The following TLK2 variants were observed in gnomAD, a reference collection of about 807,000 sequenced individuals.
TLK2 encodes the protein serine/threonine-protein kinase tousled-like 2.
A neutral mutation model predicts 117.3 loss-of-function variants in TLK2; 6 were observed. That is an observed-to-expected ratio of 0.05 (90% CI 0.03 to 0.10). The LOEUF is 0.10. Ranked by LOEUF, TLK2 falls within the 10% of genes least tolerant of loss-of-function variation. TLK2 has a pLI of 1.00. For missense variants in TLK2, 299 were observed against 901.2 expected, an observed-to-expected ratio of 0.33 and a Z score of 8.56; for synonymous variants, 257 against 316.7, an observed-to-expected ratio of 0.81 and a Z score of 2.00.
intron 9 of TLK2, among the ~76,000 whole-genome samples, chr17:62,554,908 C>CA (rs1171730753): frequency 2.0e-5 from 3 of 150,526 alleles, no homozygotes; most frequent in Non-Finnish European, 4.4e-5. Flanking sequence ...ATGCTCTTTA[C>CA]AAAATACAGA....
At chr17:62,492,695 G>C (rs893834644) in intron 2 of TLK2, among the ~76,000 whole-genome samples, 5 of 151,944 alleles carry the variant, frequency 3.3e-5, no homozygotes, top group Non-Finnish European at 4.4e-5. Context: ...GACCTCTCAG[G>C]TGATCCACCC....
chr17:62,548,289 A>AT (rs897530767), intron 7 of TLK2, among the ~76,000 whole-genome samples: 2,378 of 77,434 alleles, frequency 0.031, 35 homozygotes, highest in Middle Eastern at 0.047. Context: ...TTTTATTTTT[A>AT]TTTTTTTTTT....
chr17:62,480,433 G>A (rs562729899), intron 1 of TLK2, among the ~76,000 whole-genome samples: 2 of 152,218 alleles, frequency 1.3e-5, no homozygotes, highest in African/African-American at 4.8e-5. Flanking sequence ...AAAAGCAGAT[G>A]TCCAGAATCA....
chr17:62,609,908 C>T (rs1386908630), intron 21 of TLK2, among the ~76,000 whole-genome samples: 2 of 152,158 alleles, frequency 1.3e-5, no homozygotes, highest in Non-Finnish European at 2.9e-5. Context: ...GCCTCAGCAA[C>T]ACAGTGAGAC....
chr17:62,558,705 ACT>A (rs899157084), intron 9 of TLK2, among the ~76,000 whole-genome samples: 1 of 152,134 alleles, frequency 6.6e-6, no homozygotes, highest in African/African-American at 2.4e-5. Context: ...ATGTAGTTAC[ACT>A]CTGTCTTTGA....
At chr17:62,564,944 G>A in intron 10 of TLK2, 57 bp from the exon 11 acceptor site, 6 of 1,547,986 alleles carry the variant, frequency 3.9e-6, no homozygotes, top group East Asian at 2.3e-5. Flanking sequence ...TTTCTAAGAA[G>A]TGTCTTTATC....
intron 2 of TLK2, among the ~76,000 whole-genome samples, chr17:62,519,302 G>C (rs964658864): frequency 3.3e-5 from 5 of 152,294 alleles, no homozygotes; most frequent in African/African-American, 1.2e-4. Context: ...TCGTTGAATT[G>C]TGTTGGCACC....
intron 6 of TLK2, among the ~76,000 whole-genome samples, chr17:62,535,767 T>G (rs1316170325): frequency 6.9e-6 from 1 of 145,522 alleles, no homozygotes; most frequent in Non-Finnish European, 1.5e-5. Context: ...AGAATGAAAC[T>G]CCATCTCAAA....
chr17:62,503,728 C>CT (rs34498481), intron 2 of TLK2, among the ~76,000 whole-genome samples: 65 of 126,728 alleles, frequency 5.1e-4, no homozygotes, highest in African/African-American at 1.8e-3. Context: ...CTAGTTATAT[C>CT]TTTTTTTTTT....
intron 6 of TLK2, among the ~76,000 whole-genome samples, chr17:62,535,965 A>G (rs2077086532): frequency 6.6e-6 from 1 of 152,192 alleles, no homozygotes; most frequent in Non-Finnish European, 1.5e-5. Flanking sequence ...TATAATGTCA[A>G]AGAATTTGAG....
intron 17 of TLK2, 101 bp from the exon 18 acceptor site, chr17:62,600,550 T>C: frequency 1.1e-6 from 1 of 929,332 alleles, no homozygotes; most frequent in South Asian, 2.0e-5. Context: ...AAGAAAGGAG[T>C]GAGAAGCTGA....
At chr17:62,545,188 A>G (rs2077812261) in intron 7 of TLK2, among the ~76,000 whole-genome samples, 1 of 151,998 alleles carries the variant, frequency 6.6e-6, no homozygotes, top group African/African-American at 2.4e-5. Flanking sequence ...CACTATGCCC[A>G]ACTAATTTTT....
intron 19 of TLK2, among the ~76,000 whole-genome samples, chr17:62,605,598 C>T (rs914255592): frequency 3.3e-5 from 5 of 152,052 alleles, no homozygotes; most frequent in Non-Finnish European, 7.4e-5. Context: ...GTCTCAAATT[C>T]TTGAGTTCAA....
At chr17:62,519,113 G>A (rs374691271) in intron 2 of TLK2, among the ~76,000 whole-genome samples, 1 of 152,158 alleles carries the variant, frequency 6.6e-6, no homozygotes, top group African/African-American at 2.4e-5. Context: ...TCTAACTCCT[G>A]AGCTCAAGGG....
intron 3 of TLK2, among the ~76,000 whole-genome samples, chr17:62,521,439 C>T (rs907878837): frequency 6.6e-6 from 1 of 152,210 alleles, no homozygotes; most frequent in Non-Finnish European, 1.5e-5. Flanking sequence ...TGGCCTCGCT[C>T]TGTCATGCAG....
At chr17:62,587,500 C>T (rs572075861) in intron 16 of TLK2, among the ~76,000 whole-genome samples, 29 of 152,280 alleles carry the variant, frequency 1.9e-4, no homozygotes, top group Non-Finnish European at 2.8e-4. Context: ...TAGTTGGCTT[C>T]TAGCCTGGTC....
At chr17:62,554,573 C>A (rs1314961533) in intron 9 of TLK2, among the ~76,000 whole-genome samples, 1 of 151,908 alleles carries the variant, frequency 6.6e-6, no homozygotes, top group Non-Finnish European at 1.5e-5. Context: ...CAGAGTGATA[C>A]TTTGTCTCAA....
chr17:62,585,177 G>A (rs1313025950), intron 15 of TLK2, among the ~76,000 whole-genome samples: 2 of 152,224 alleles, frequency 1.3e-5, no homozygotes, highest in East Asian at 3.9e-4. Context: ...ATTGGGGAAA[G>A]CTGGTTCCTG....
At position 62,613,335 on chromosome 17, in the gene TLK2, G is replaced by T. The variant is rs959573680; in HGVS notation, c.*770G>T. On this transcript the variant is annotated 3_prime_UTR_variant, in exon 22 of 22. Coordinates refer to ENST00000346027, the MANE Select transcript of TLK2 (RefSeq NM_006852.6). The stretch of plus-strand genomic sequence containing the variant: ...TGAGTGGGAGTACTGAGATGTGTGG[G>T]TTTTTGCCATTGGACAAAGAATGAG... The T allele has an allele frequency of 2.6e-5, 4 of 152,602 alleles. No individual in the cohort carries two copies. The highest frequency in any genetic ancestry group is 9.7e-5 in the African/African-American group (4 of 41,426). 9.5% of individuals were successfully genotyped at this position (152,602 alleles called of 1,614,324 possible). A position where few individuals can be genotyped will look rare whatever the true frequency, so the allele number is the denominator to read the frequency against.
Sources: gnomAD v4.1 joint callset for allele counts (sites outside exome capture counted in the v4.1 genomes callset) on GRCh38, gnomAD v4.1.1 for gene constraint, MANE v1.5 for transcripts, NCBI Gene and HGNC (gene_info 2026-07-23, HGNC 2026-07-21) for gene names.